The following TBX3 variants were observed in gnomAD, a reference collection of about 807,000 sequenced individuals.
TBX3 encodes T-box transcription factor 3, also known as T-box transcription factor TBX3.
Under a neutral mutation model 47.8 loss-of-function variants are expected in TBX3, and 11 were observed. The ratio of observed to expected loss-of-function variants is 0.23; its 90% CI spans 0.14 to 0.38. TBX3 has a LOEUF of 0.38. Among genes scored for constraint, TBX3 ranks in the 10% least tolerant of loss-of-function variants. The pLI, the probability that TBX3 is intolerant of heterozygous loss-of-function variation, is 1.00. For synonymous variants in TBX3, 500 were observed against 449.3 expected (o/e 1.11, Z -1.43); for missense variants, 927 against 1,022.8 (o/e 0.91, Z 1.28).
At chr12:114,676,176 C>T in intron 5 of TBX3, 137 bp downstream of exon 5, 6 of 1,139,464 alleles carry the variant, frequency 5.3e-6, no homozygotes, top group South Asian at 2.9e-5. Context: ...TTTTTGAACT[C>T]TGGCTTCTGT....
In TBX3 at chr12:114,670,285, A is replaced by C. The variant is rs781394122; in HGVS notation, c.*1556T>G. Reference sequence around the variant, plus strand: ...TTCAATAAAAATTTATTGAAATTTCAGTGATGTTTTAAAGAGAGGGGGAAA... The same window carrying C: ...TTCAATAAAAATTTATTGAAATTTCCGTGATGTTTTAAAGAGAGGGGGAAA... On this transcript the variant is annotated 3_prime_UTR_variant, in exon 7 of 7. Transcript: ENST00000349155. The C allele has an allele frequency of 4.5e-5, 10 of 220,164 alleles. No homozygotes were observed. The highest frequency in any genetic ancestry group is 8.2e-5 in the Non-Finnish European group (9 of 110,006). 13.6% of individuals were successfully genotyped at this position (220,164 alleles called of 1,614,324 possible).
At chr12:114,678,790 G>A (rs1190147131) in intron 3 of TBX3, among the ~76,000 whole-genome samples, 2 of 152,080 alleles carry the variant, frequency 1.3e-5, no homozygotes, top group African/African-American at 4.8e-5. Flanking sequence ...TGACCTTCAG[G>A]CCACCATAGC....
intron 6 of TBX3, 73 bp from the exon 7 acceptor site, chr12:114,672,375 TC>T: frequency 2.4e-6 from 3 of 1,253,960 alleles, no homozygotes; most frequent in Non-Finnish European, 3.2e-6. Flanking sequence ...TCCTCTCTTC[TC>T]CCCCTCCAAC....
intron 5 of TBX3, 139 bp downstream of exon 5, chr12:114,676,170 TGAAC>T: frequency 4.7e-6 from 5 of 1,075,156 alleles, no homozygotes; most frequent in Admixed American, 2.2e-5. Flanking sequence ...TAGCCCTTTT[TGAAC>T]TCTGGCTTCT....
chr12:114,680,210 T>G, intron 2 of TBX3: 1 of 555,128 alleles, frequency 1.8e-6, no homozygotes, highest in Non-Finnish European at 3.2e-6. Flanking sequence ...CTTATCACGC[T>G]GTTTATTTTA....
At chr12:114,676,532 C>T in intron 4 of TBX3, 62 bp from the exon 5 acceptor site, 2 of 1,606,958 alleles carry the variant, frequency 1.2e-6, no homozygotes, top group Non-Finnish European at 1.7e-6. Flanking sequence ...CTTTGTTTCC[C>T]TTACCCTTTC....
rs1868388003 is a variant in TBX3, at chr12:114,670,858, ATAAAT to A, written c.*978_*982del. ...TTACACAGAGCTATGTACAATGTCA[ATAAAT>A]TAAAGTTTAATTTTCCAAGCATTCA... is the stretch of plus-strand genomic sequence containing the variant. On this transcript the variant is annotated 3_prime_UTR_variant, in exon 7 of 7. Coordinates refer to ENST00000349155, the MANE Select transcript of TBX3 (RefSeq NM_005996.4). 2 of 215,786 alleles carry A rather than the reference ATAAAT, an allele frequency of 9.3e-6. No homozygotes were observed. Among genetic ancestry groups the A allele is most frequent in the Admixed American group, 5.8e-5 (1 of 17,122 alleles). 13.4% of individuals were successfully genotyped at this position (215,786 alleles called of 1,614,324 possible).
intron 6 of TBX3, 73 bp from the exon 7 acceptor site, chr12:114,672,375 T>C: frequency 8.0e-7 from 1 of 1,253,952 alleles, no homozygotes. Context: ...TCCTCTCTTC[T>C]CCCCCTCCAA....
Position 114,674,562 on chromosome 12 carries a change from ACCGGGCTCCTGCGCT to A in TBX3, c.1298_1312del (p.Glu433_Pro437del), listed in dbSNP as rs781481035. On this transcript the variant is annotated inframe_deletion, in exon 6 of 7. Coordinates refer to ENST00000349155, the MANE Select transcript of TBX3 (RefSeq NM_005996.4). ...CTTGGCCGGCGCTGTGCCCTCGCGA[ACCGGGCTCCTGCGCT>A]CCTCCGCGCCCAGGCCGCGAGTGCT... 2 of 1,568,006 alleles carry A rather than the reference ACCGGGCTCCTGCGCT, an allele frequency of 1.3e-6. No homozygotes were observed. The highest frequency in any genetic ancestry group is 1.7e-6 in the Non-Finnish European group (2 of 1,160,718).
At position 114,671,956 on chromosome 12, in the gene TBX3, A is replaced by C; in HGVS notation, c.2057T>G (p.Leu686Trp). The part of the protein sequence containing the change: ...SSTLSSSSMS[L>W]SPKLCAEKEA... ...TTTCTCCGCGCAGAGTTTGGGCGAC[A>C]AGGACATGGAGCTGGAGGAGAGCGT... Residue 686 changes from leucine (L) to tryptophan (W), a missense_variant, in exon 7 of 7, where the codon TTG (leucine) becomes TGG (tryptophan). Transcript: ENST00000349155. The C allele has an allele frequency of 6.3e-7, 1 of 1,599,382 alleles. No individual in the cohort carries two copies. Among genetic ancestry groups the C allele is most frequent in the Non-Finnish European group, 8.5e-7 (1 of 1,173,058 alleles).
intron 2 of TBX3, chr12:114,680,356 T>G (rs553345634): frequency 2.7e-5 from 8 of 297,134 alleles, no homozygotes; most frequent in Non-Finnish European, 5.1e-5. Flanking sequence ...ACCATTTTTT[T>G]CTGAAGATCT....
rs746922951 is a variant in TBX3, at chr12:114,681,056, G to A, written c.480C>T (p.Asp160=). 1.2e-6 allele frequency: 2 copies of A among 1,613,850 alleles called. No homozygotes were observed. Among genetic ancestry groups the A allele is most frequent in the South Asian group, 2.2e-5 (2 of 91,054 alleles). Residue 160 remains aspartate, a synonymous_variant, in exon 2 of 7, where the codon GAC becomes GAT. Coordinates refer to ENST00000349155, the MANE Select transcript of TBX3 (RefSeq NM_005996.4). ...ILLMDIIAAD[D]CRYKFHNSRW... is the part of the protein sequence containing the mutation. ...GAGAATTGTGAAATTTATAACGACA[G>A]TCATCAGCAGCTATAATGTCCATCA...
Position 114,683,632 on chromosome 12 carries a change from A to C in TBX3, c.-432T>G. The C allele has an allele frequency of 4.2e-6, 1 of 236,002 alleles. No homozygotes were observed. The highest frequency in any genetic ancestry group is 8.3e-6 in the Non-Finnish European group (1 of 121,088). 14.6% of individuals were successfully genotyped at this position (236,002 alleles called of 1,614,324 possible). On this transcript the variant is annotated 5_prime_UTR_variant, in exon 1 of 7. It adds an upstream start codon to the 5' untranslated region. Coordinates refer to ENST00000349155, the MANE Select transcript of TBX3 (RefSeq NM_005996.4). The surrounding 1 kb of genome is among the most constrained non-coding windows in gnomAD (Gnocchi z 7.7). ...TCCAGCCCCTAGGTCTTTTGTTGCA[A>C]ATGTGAAAGGTTCTCCTAGAAGACT...
chr12:114,672,417 C>A, intron 6 of TBX3, 115 bp from the exon 7 acceptor site: 1 of 744,758 alleles, frequency 1.3e-6, no homozygotes, highest in Non-Finnish European at 1.9e-6. Flanking sequence ...CTGGTATGTT[C>A]TGTTGTTGTT....
At chr12:114,679,779 C>T in intron 2 of TBX3, 128 bp from the exon 3 acceptor site, 1 of 1,531,228 alleles carries the variant, frequency 6.5e-7, no homozygotes, top group Admixed American at 1.7e-5. Context: ...AGCCCACCTC[C>T]TTGGAGTACC....
chr12:114,679,875 C>A, intron 2 of TBX3: 6 of 1,609,390 alleles, frequency 3.7e-6, no homozygotes, highest in Non-Finnish European at 5.1e-6. Flanking sequence ...CCCACCCTCA[C>A]CATCTAAGGA....
intron 6 of TBX3, among the ~76,000 whole-genome samples, chr12:114,673,527 G>A (rs1163047823): frequency 1.3e-5 from 2 of 152,098 alleles, no homozygotes; most frequent in Non-Finnish European, 2.9e-5. Flanking sequence ...GGTTGGGGGT[G>A]GGGAGAAGAG....
At chr12:114,679,464 G>A in intron 3 of TBX3, 41 bp downstream of exon 3, 1 of 1,613,818 alleles carries the variant, frequency 6.2e-7, no homozygotes, top group Non-Finnish European at 8.5e-7. Flanking sequence ...TAAGGGGAAG[G>A]CAAAATATCA....
chr12:114,683,383 G>A lies in TBX3; in HGVS notation c.-183C>T, dbSNP rs886049014. ...ACTAATGCACTTCAAAGGGAGGAGG[G>A]GAAGTGTCTTTTGGAGAATGGGAGG... On this transcript the variant is annotated 5_prime_UTR_variant, in exon 1 of 7. Transcript: ENST00000349155. The surrounding 1 kb of genome is among the most constrained non-coding windows in gnomAD (Gnocchi z 7.7). The A allele has an allele frequency of 1.1e-5, 9 of 828,212 alleles. No individual in the cohort carries two copies. Among genetic ancestry groups the A allele is most frequent in the East Asian group, 2.7e-5 (1 of 36,908 alleles). The allele number at this position is 828,212 out of a possible 1,614,324, so 51.3% of individuals were successfully genotyped here.
Sources: gnomAD v4.1 joint callset for allele counts (sites outside exome capture counted in the v4.1 genomes callset) on GRCh38, gnomAD v4.1.1 for gene constraint, Gnocchi (gnomAD v3.1) non-coding constraint, MANE v1.5 for transcripts, NCBI Gene and HGNC (gene_info 2026-07-23, HGNC 2026-07-21) for gene names.